SATB1: variants seen among roughly 807,000 people sequenced by gnomAD.
The protein encoded by SATB1 is SATB homeobox 1.
Under a neutral mutation model 86.9 loss-of-function variants are expected in SATB1, and 11 were observed. That is an observed-to-expected ratio of 0.13 (90% CI 0.08 to 0.21). SATB1 has a LOEUF of 0.21. Ranked by LOEUF, SATB1 falls within the 10% of genes least tolerant of loss-of-function variation. SATB1 has a pLI of 1.00. For synonymous variants in SATB1, 357 were observed against 357.2 expected, an observed-to-expected ratio of 1.00 and a Z score of 0.01; for missense variants, 551 against 937.6, an observed-to-expected ratio of 0.59 and a Z score of 5.39.
chr3:18,436,930 T>C (rs1699085086), intron 1 of SATB1: 1 of 152,190 alleles, frequency 6.6e-6, no homozygotes, highest in Non-Finnish European at 1.5e-5. Flanking sequence ...TAGAATTGTC[T>C]AAGTAAGCCT....
At chr3:18,423,183 T>C (rs1157906778) in intron 1 of SATB1, among the ~76,000 whole-genome samples, 2 of 151,840 alleles carry the variant, frequency 1.3e-5, no homozygotes, top group Admixed American at 6.6e-5. Flanking sequence ...GGCTGAAGAG[T>C]TTCTTTTGAG....
intron 2 of SATB1, chr3:18,417,667 C>T (rs911823304): frequency 2.9e-6 from 2 of 698,366 alleles, no homozygotes; most frequent in Non-Finnish European, 5.2e-6. Context: ...AGTACTTAAC[C>T]AAACTGGTGC....
At chr3:18,370,515 C>CAAAAA (rs11391230) in intron 9 of SATB1, among the ~76,000 whole-genome samples, 8 of 49,442 alleles carry the variant, frequency 1.6e-4, no homozygotes, top group African/African-American at 2.9e-4. Context: ...CTGAGAGAGG[C>CAAAAA]AAAAAAAAAA....
intron 5 of SATB1, among the ~76,000 whole-genome samples, chr3:18,398,936 C>T (rs1055094802): frequency 1.3e-5 from 2 of 152,124 alleles, no homozygotes; most frequent in Non-Finnish European, 2.9e-5. Flanking sequence ...CTCACTTACT[C>T]TCTTGTAATA....
At chr3:18,415,356 G>A (rs377584099) in intron 4 of SATB1, 122 bp from the exon 5 acceptor site, 20 of 1,114,312 alleles carry the variant, frequency 1.8e-5, no homozygotes, top group East Asian at 2.4e-5. Context: ...GATTGCTCTC[G>A]GTCTCCTGAT....
intron 7 of SATB1, among the ~76,000 whole-genome samples, chr3:18,391,947 T>G (rs1696698083): frequency 6.6e-6 from 1 of 152,222 alleles, no homozygotes; most frequent in Non-Finnish European, 1.5e-5. Context: ...GTGCAAAAGT[T>G]AGTTCTCAAG....
chr3:18,353,527 A>G (rs1340413778), intron 9 of SATB1, among the ~76,000 whole-genome samples: 4 of 151,746 alleles, frequency 2.6e-5, no homozygotes, highest in African/African-American at 9.7e-5. Flanking sequence ...TTGGATGAAA[A>G]TGGAAGTATA....
chr3:18,349,563 A>G lies in SATB1; in HGVS notation c.1899T>C (p.Ser633=), dbSNP rs201332827. The part of the protein sequence containing the change: ...RLPPRQPTVA[S]PAESDEENRQ... The stretch of plus-strand genomic sequence containing the variant: ...GGTTTTCCTCATCTGACTCTGCTGG[A>G]GAGGCCACCGTGGGTTGCCGTGGGG... Residue 633 remains serine, a synonymous_variant, in exon 11 of 11, where the codon TCT becomes TCC. Coordinates refer to ENST00000338745, the MANE Select transcript of SATB1 (RefSeq NM_002971.6). The surrounding 1 kb of genome is among the most constrained non-coding windows in gnomAD (Gnocchi z 5.5). 174 of 1,613,918 alleles carry G rather than the reference A, an allele frequency of 1.1e-4. No individual in the cohort carries two copies. In the East Asian group the frequency reaches 1.5e-3, roughly 14 times the overall value.
intron 9 of SATB1, among the ~76,000 whole-genome samples, chr3:18,364,464 A>AT (rs1192652068): frequency 6.0e-4 from 90 of 151,194 alleles, no homozygotes; most frequent in Admixed American, 3.2e-3. Context: ...ATATTTTGTG[A>AT]TTTTTTTTTA....
upstream of SATB1, among the ~76,000 whole-genome samples, chr3:18,428,569 A>G (rs1698786707): frequency 6.6e-6 from 1 of 152,250 alleles, no homozygotes; most frequent in Non-Finnish European, 1.5e-5. Flanking sequence ...GGGATCTTAT[A>G]TTAAGCAATA....
At chr3:18,369,876 T>C (rs1278244510) in intron 9 of SATB1, among the ~76,000 whole-genome samples, 1 of 152,210 alleles carries the variant, frequency 6.6e-6, no homozygotes, top group Non-Finnish European at 1.5e-5. Context: ...ATGACAGATC[T>C]GATTAAGCCG....
intron 9 of SATB1, among the ~76,000 whole-genome samples, chr3:18,354,854 A>T (rs1694552286): frequency 6.6e-6 from 1 of 152,154 alleles, no homozygotes; most frequent in African/African-American, 2.4e-5. Flanking sequence ...GCCCCGACTC[A>T]TTCAACAAAT....
At chr3:18,428,852 A>C (rs149066562), upstream of SATB1, among the ~76,000 whole-genome samples, 1 of 152,372 alleles carries the variant, frequency 6.6e-6, no homozygotes, top group African/African-American at 2.4e-5. Flanking sequence ...AACGCATTAA[A>C]ACACATTCAG....
Position 18,417,245 on chromosome 3 carries a change from C to T in SATB1, c.212-167G>A, listed in dbSNP as rs185615342. The T allele has an allele frequency of 2.5e-3, 1,528 of 616,246 alleles. 12 individuals are homozygous for T. The highest frequency in any genetic ancestry group is 1.1e-3 in the Non-Finnish European group (395 of 358,206). 38.2% of individuals were successfully genotyped at this position (616,246 alleles called of 1,614,324 possible). A position where few individuals can be genotyped will look rare whatever the true frequency, so the allele number is the denominator to read the frequency against. On this transcript the variant is annotated intron_variant, in intron 2 of 10. Transcript: ENST00000338745. ...ACAGGCAAATGCACACAAATATATACATTCTCATATTATTTAAAGTCGTAA... is the reference window on the plus strand; with the variant it reads ...ACAGGCAAATGCACACAAATATATATATTCTCATATTATTTAAAGTCGTAA...
chr3:18,355,229 G>A (rs139946425), intron 9 of SATB1, among the ~76,000 whole-genome samples: 449 of 152,124 alleles, frequency 3.0e-3, no homozygotes, highest in Non-Finnish European at 4.1e-3. Flanking sequence ...CAGACATTTT[G>A]ACACATTAGC....
chr3:18,412,539 G>GTA (rs1414392958), intron 5 of SATB1, among the ~76,000 whole-genome samples: 1 of 151,990 alleles, frequency 6.6e-6, no homozygotes, highest in Non-Finnish European at 1.5e-5. Flanking sequence ...TGTGTATGGT[G>GTA]TATTGCATGC....
intron 7 of SATB1, among the ~76,000 whole-genome samples, chr3:18,390,604 T>C (rs1302866458): frequency 6.6e-6 from 1 of 151,966 alleles, no homozygotes; most frequent in East Asian, 1.9e-4. Flanking sequence ...CAATTTCTGT[T>C]ATACTTAAGC....
intron 7 of SATB1, among the ~76,000 whole-genome samples, chr3:18,388,292 A>G (rs769426041): frequency 6.6e-6 from 1 of 152,100 alleles, no homozygotes; most frequent in Non-Finnish European, 1.5e-5. Context: ...TGTGTTTCTG[A>G]TGTGCCATAT....
At chr3:18,438,496 C>T (rs1390979465) in intron 1 of SATB1, 1 of 152,208 alleles carries the variant, frequency 6.6e-6, no homozygotes, top group East Asian at 1.9e-4. Context: ...CACTCAATGC[C>T]TATCTGTCAC....
Sources: gnomAD v4.1 joint callset for allele counts (sites outside exome capture counted in the v4.1 genomes callset) on GRCh38, gnomAD v4.1.1 for gene constraint, Gnocchi (gnomAD v3.1) non-coding constraint, MANE v1.5 for transcripts, NCBI Gene and HGNC (gene_info 2026-07-23, HGNC 2026-07-21) for gene names.